Variants in KCNIP1 observed in about 807,000 individuals in gnomAD.
KCNIP1 encodes A-type potassium channel modulatory protein KCNIP1.
Under a neutral mutation model 33.0 loss-of-function variants are expected in KCNIP1, and 18 were observed. That is an observed-to-expected ratio of 0.55 (90% CI 0.38 to 0.81). KCNIP1 has a LOEUF of 0.81. Among genes scored for constraint, KCNIP1 ranks in the 30% least tolerant of loss-of-function variants. The pLI, the probability that KCNIP1 is intolerant of heterozygous loss-of-function variation, is 0.00. For synonymous variants in KCNIP1, 93 were observed against 98.3 expected (o/e 0.95, Z 0.32); for missense variants, 238 against 271.6 (o/e 0.88, Z 0.87).
intron 1 of KCNIP1, among the ~76,000 whole-genome samples, chr5:170,612,441 C>T (rs1184586512): frequency 6.6e-6 from 1 of 152,236 alleles, no homozygotes; most frequent in East Asian, 1.9e-4. Flanking sequence ...CTTTCGGAGA[C>T]TAATGGGGAT....
chr5:170,696,979 C>A (rs1404690012), intron 1 of KCNIP1, among the ~76,000 whole-genome samples: 1 of 152,080 alleles, frequency 6.6e-6, no homozygotes, highest in East Asian at 1.9e-4. Context: ...CTCCTAAAAG[C>A]TCTCCCCATC....
intron 1 of KCNIP1, among the ~76,000 whole-genome samples, chr5:170,467,917 C>CAAAAAAAAA (rs55671124): frequency 2.4e-5 from 1 of 41,960 alleles, no homozygotes; most frequent in Non-Finnish European, 5.0e-5. Flanking sequence ...GATTCCATCT[C>CAAAAAAAAA]AAAAAAAAAA....
At chr5:170,691,906 C>G (rs1373739552) in intron 1 of KCNIP1, among the ~76,000 whole-genome samples, 1 of 152,182 alleles carries the variant, frequency 6.6e-6, no homozygotes, top group African/African-American at 2.4e-5. Flanking sequence ...CACATTAAGA[C>G]CTGTTTACAT....
intron 1 of KCNIP1, chr5:170,374,705 G>A (rs574001252): frequency 2.0e-5 from 3 of 152,256 alleles, no homozygotes; most frequent in South Asian, 4.2e-4. Context: ...AACTGATGAA[G>A]GTTCTCTGCT....
intron 1 of KCNIP1, among the ~76,000 whole-genome samples, chr5:170,510,750 G>T (rs1433528882): frequency 5.3e-5 from 8 of 152,132 alleles, no homozygotes; most frequent in Admixed American, 3.9e-4. Flanking sequence ...AAGCCTCATT[G>T]GTGCGGTGGG....
At chr5:170,688,026 A>C (rs1762600237) in intron 1 of KCNIP1, among the ~76,000 whole-genome samples, 1 of 151,770 alleles carries the variant, frequency 6.6e-6, no homozygotes, top group Non-Finnish European at 1.5e-5. Flanking sequence ...GTATTATAAT[A>C]GGTATATTTA....
At chr5:170,584,089 C>G (rs1212761330) in intron 1 of KCNIP1, among the ~76,000 whole-genome samples, 2 of 152,176 alleles carry the variant, frequency 1.3e-5, no homozygotes, top group Non-Finnish European at 2.9e-5. Context: ...GTTGTGCTAA[C>G]TAAATTAATG....
At chr5:170,641,329 C>T (rs1318919838) in intron 1 of KCNIP1, among the ~76,000 whole-genome samples, 2 of 152,210 alleles carry the variant, frequency 1.3e-5, no homozygotes, top group African/African-American at 4.8e-5. Flanking sequence ...CTACCTGGCT[C>T]TGCTCTGCTG....
chr5:170,670,669 G>A (rs1164213298), intron 1 of KCNIP1, among the ~76,000 whole-genome samples: 1 of 152,156 alleles, frequency 6.6e-6, no homozygotes, highest in Admixed American at 6.5e-5. Context: ...GAAGCGGGTG[G>A]ACCGCCTGAG....
At chr5:170,393,628 G>A (rs1239839137) in intron 1 of KCNIP1, among the ~76,000 whole-genome samples, 1 of 152,198 alleles carries the variant, frequency 6.6e-6, no homozygotes, top group Non-Finnish European at 1.5e-5. Flanking sequence ...AAATAACGGT[G>A]GGAGGTTTTT....
chr5:170,634,673 G>A lies in KCNIP1; in HGVS notation c.62-84085G>A, dbSNP rs1354749540. On this transcript the variant is annotated intron_variant, in intron 1 of 7. Coordinates refer to ENST00000328939, the MANE Select transcript of KCNIP1 (RefSeq NM_014592.4). Reference sequence around the variant, plus strand: ...GCCCCAGGCTCTTCAATGGTAAGAGGTTGGCAGATTAGGAAGGACCAGCAA... The same window carrying A: ...GCCCCAGGCTCTTCAATGGTAAGAGATTGGCAGATTAGGAAGGACCAGCAA... Among the ~76,000 whole-genome samples, 8 of 152,242 alleles carry A rather than the reference G, an allele frequency of 5.3e-5. 1 individual carries two copies. The highest frequency in any genetic ancestry group is 5.2e-4 in the Admixed American group (8 of 15,294).
At chr5:170,380,435 G>C (rs1348817504) in intron 1 of KCNIP1, among the ~76,000 whole-genome samples, 1 of 152,230 alleles carries the variant, frequency 6.6e-6, no homozygotes, top group African/African-American at 2.4e-5. Flanking sequence ...CAGGTGTTGA[G>C]CCAGATTCCT....
chr5:170,476,468 A>G (rs1157828629), intron 1 of KCNIP1, among the ~76,000 whole-genome samples: 1 of 152,166 alleles, frequency 6.6e-6, no homozygotes, highest in African/African-American at 2.4e-5. Context: ...CTCTGTTCCA[A>G]TCTCCCCCTT....
chr5:170,684,486 T>C (rs1174222983), intron 1 of KCNIP1, among the ~76,000 whole-genome samples: 2 of 152,220 alleles, frequency 1.3e-5, no homozygotes, highest in Admixed American at 6.5e-5. Context: ...ATGACAGTCT[T>C]AGGAAAATAA....
At chr5:170,402,811 C>T (rs929544654) in intron 1 of KCNIP1, among the ~76,000 whole-genome samples, 10 of 152,128 alleles carry the variant, frequency 6.6e-5, no homozygotes, top group Non-Finnish European at 1.3e-4. Context: ...CAGCTGGCCA[C>T]GGCTGCCACA....
chr5:170,539,472 C>T (rs1756116436), intron 1 of KCNIP1, among the ~76,000 whole-genome samples: 1 of 152,128 alleles, frequency 6.6e-6, no homozygotes, highest in African/African-American at 2.4e-5. Context: ...CCGTGGGTTG[C>T]AATTTTTGGG....
At chr5:170,517,479 T>TA (rs1208143627) in intron 1 of KCNIP1, among the ~76,000 whole-genome samples, 3 of 152,156 alleles carry the variant, frequency 2.0e-5, no homozygotes, top group African/African-American at 7.2e-5. Context: ...AGGGGCTTCA[T>TA]GGCAATAATG....
chr5:170,508,278 C>G (rs1754794013), intron 1 of KCNIP1, among the ~76,000 whole-genome samples: 1 of 152,170 alleles, frequency 6.6e-6, no homozygotes, highest in African/African-American at 2.4e-5. Context: ...TGACTCAACC[C>G]CATGGCTATC....
chr5:170,444,692 CTT>C (rs200470198), intron 1 of KCNIP1, among the ~76,000 whole-genome samples: 1 of 136,634 alleles, frequency 7.3e-6, no homozygotes, highest in Non-Finnish European at 1.6e-5. Context: ...TATATTTTTT[CTT>C]TTTTTAAAAA....
Sources: gnomAD v4.1 joint callset for allele counts (sites outside exome capture counted in the v4.1 genomes callset) on GRCh38, gnomAD v4.1.1 for gene constraint, MANE v1.5 for transcripts, NCBI Gene and HGNC (gene_info 2026-07-23, HGNC 2026-07-21) for gene names.